The following AGBL5 variants were observed in gnomAD, a reference collection of about 807,000 sequenced individuals.
The protein encoded by AGBL5 is AGBL carboxypeptidase 5.
Under a neutral mutation model 88.0 loss-of-function variants are expected in AGBL5, and 51 were observed. That is an observed-to-expected ratio of 0.58 (90% CI 0.46 to 0.73). The LOEUF (loss-of-function observed/expected upper bound fraction) is 0.73. Among genes scored for constraint, AGBL5 ranks in the 30% least tolerant of loss-of-function variants. AGBL5 has a pLI of 0.00. For missense variants in AGBL5, 1,031 were observed against 1,162.2 expected (o/e 0.89, Z 1.64); for synonymous variants, 446 against 438.8 (o/e 1.02, Z -0.21).
In AGBL5 at chr2:27,070,501, T is replaced by G. The variant is rs1220573378; in HGVS notation, c.*238T>G. ...GGGACCACAAAAAAAAGTCTATATTTTTATATTGGGGGGAGGGAGTAGAAA... is the reference window on the plus strand; with the variant it reads ...GGGACCACAAAAAAAAGTCTATATTGTTATATTGGGGGGAGGGAGTAGAAA... On this transcript the variant is annotated 3_prime_UTR_variant, in exon 15 of 15. Coordinates refer to ENST00000360131, the MANE Select transcript of AGBL5 (RefSeq NM_021831.6). The G allele has an allele frequency of 6.0e-6, 3 of 496,828 alleles. No homozygotes were observed. Among genetic ancestry groups the G allele is most frequent in the Non-Finnish European group, 1.1e-5 (3 of 278,422 alleles). The allele number at this position is 496,828 out of a possible 1,614,324, so 30.8% of individuals were successfully genotyped here. A position where few individuals can be genotyped will look rare whatever the true frequency, so the allele number is the denominator to read the frequency against.
At chr2:27,051,230 T>C (rs1175427885), upstream of AGBL5, among the ~76,000 whole-genome samples, 2 of 152,170 alleles carry the variant, frequency 1.3e-5, no homozygotes, top group Non-Finnish European at 2.9e-5. Context: ...TTAGCTCAAA[T>C]GGTAGAGCGC....
chr2:27,060,176 A>C (rs1668645137), intron 11 of AGBL5, among the ~76,000 whole-genome samples: 1 of 152,198 alleles, frequency 6.6e-6, no homozygotes, highest in Non-Finnish European at 1.5e-5. Flanking sequence ...TGATATCAGA[A>C]GGATTCTAAC....
At chr2:27,052,484 T>C (rs1418490895) in intron 1 of AGBL5, 1 of 153,062 alleles carries the variant, frequency 6.5e-6, no homozygotes, top group Non-Finnish European at 1.5e-5. Context: ...TGCTCTGTGC[T>C]GGAGAGTGCA....
intron 8 of AGBL5, 105 bp downstream of exon 8, chr2:27,056,897 G>A: frequency 7.7e-7 from 1 of 1,306,018 alleles, no homozygotes; most frequent in Non-Finnish European, 1.0e-6. Context: ...TGAGGAGGCT[G>A]AGGCAGGAGA....
intron 7 of AGBL5, 29 bp from the exon 8 acceptor site, chr2:27,056,588 CTCTCCT>C: frequency 6.4e-7 from 1 of 1,563,886 alleles, no homozygotes; most frequent in East Asian, 2.3e-5. Context: ...TCCCTTCTGT[CTCTCCT>C]TCTGAGTTGA....
At chr2:27,065,453 T>TG (rs1472663430) in intron 11 of AGBL5, among the ~76,000 whole-genome samples, 5 of 152,192 alleles carry the variant, frequency 3.3e-5, no homozygotes, top group African/African-American at 1.2e-4. Context: ...ATCCAGCTCA[T>TG]GGTGTCTGCT....
At chr2:27,060,953 TAA>T (rs1334272753) in intron 11 of AGBL5, 1 of 152,234 alleles carries the variant, frequency 6.6e-6, no homozygotes, top group Non-Finnish European at 1.5e-5. Context: ...TGAGGCTATT[TAA>T]GAGTGGTTTC....
intron 11 of AGBL5, among the ~76,000 whole-genome samples, chr2:27,064,290 T>G (rs968159871): frequency 2.6e-5 from 4 of 151,574 alleles, no homozygotes; most frequent in Non-Finnish European, 4.4e-5. Context: ...AACATCTGGT[T>G]GTTTTTGACT....
intron 11 of AGBL5, among the ~76,000 whole-genome samples, chr2:27,060,485 C>T (rs1668661040): frequency 6.6e-6 from 1 of 152,216 alleles, no homozygotes; most frequent in Non-Finnish European, 1.5e-5. Context: ...ACTGTACTGG[C>T]CTCTGCACTA....
intron 8 of AGBL5, 195 bp from the exon 9 acceptor site, chr2:27,057,108 C>T (rs1668471787): frequency 3.3e-6 from 2 of 607,630 alleles, no homozygotes; most frequent in African/African-American, 1.9e-5. Flanking sequence ...TAGTCTAGGA[C>T]TCTACCTTGG....
chr2:27,055,530 G>A (rs370611426), intron 6 of AGBL5, 152 bp from the exon 7 acceptor site: 2 of 847,652 alleles, frequency 2.4e-6, no homozygotes, highest in African/African-American at 3.4e-5. Context: ...GCAGATCAAA[G>A]AGAGGCCCTG....
intron 1 of AGBL5, 97 bp downstream of exon 1, chr2:27,051,890 G>A (rs1364901087): frequency 1.1e-5 from 1 of 91,802 alleles, no homozygotes; most frequent in Non-Finnish European, 2.1e-5. Flanking sequence ...CGAGCCCCTC[G>A]AAGGCCACCC....
chr2:27,057,383 G>C lies in AGBL5; in HGVS notation c.1616G>C (p.Ser539Thr). 6.2e-7 allele frequency: 1 copy of C among 1,613,988 alleles called. No individual in the cohort carries two copies. The highest frequency in any genetic ancestry group is 1.1e-5 in the South Asian group (1 of 91,040). ...GCCTGCCATGACAATGGGCGTGCCA[G>C]CCCCCCTCCCCCGCCGGCTTTCCCC... The part of the protein sequence containing the change: ...PAACHDNGRA[S>T]PPPPPAFPSR... The change falls in exon 9 of 15, where the codon AGC becomes ACC. Residue 539 changes from serine (S) to threonine (T), a missense_variant. Transcript: ENST00000360131.
chr2:27,067,068 G>A (rs539130261), intron 11 of AGBL5, among the ~76,000 whole-genome samples: 1 of 151,972 alleles, frequency 6.6e-6, no homozygotes, highest in South Asian at 2.1e-4. Context: ...GGGCAACAAA[G>A]CGAGACTCTG....
chr2:27,050,526 C>T (rs144974506), upstream of AGBL5, among the ~76,000 whole-genome samples: 24 of 152,360 alleles, frequency 1.6e-4, no homozygotes, highest in African/African-American at 5.5e-4. Context: ...CAGGAGAAAC[C>T]ACCGCGGGGT....
chr2:27,054,949 C>T, intron 5 of AGBL5, 126 bp from the exon 6 acceptor site: 1 of 1,482,398 alleles, frequency 6.7e-7, no homozygotes, highest in Non-Finnish European at 9.2e-7. Context: ...GCCCCTGCTC[C>T]ACTTGCAGAT....
chr2:27,054,155 T>A, intron 4 of AGBL5, 96 bp downstream of exon 4: 1 of 1,411,112 alleles, frequency 7.1e-7, no homozygotes, highest in Non-Finnish European at 9.6e-7. Flanking sequence ...AACCATACTT[T>A]CATCCGTCTT....
intron 12 of AGBL5, 108 bp from the exon 13 acceptor site, chr2:27,068,524 T>C (rs886466941): frequency 1.1e-6 from 1 of 905,714 alleles, no homozygotes. Context: ...GATAAAGAAT[T>C]ATCCAACCCA....
At position 27,053,855 on chromosome 2, in the gene AGBL5, A is replaced by C; in HGVS notation, c.388-41A>C. On this transcript the variant is annotated intron_variant, in intron 3 of 14. Transcript: ENST00000360131. This position sits in a 1 kb window ranked among gnomAD's most constrained non-coding sequence, Gnocchi z 4.9. ...GTCCCAGTAGGAGCTCAGTTCTGAC[A>C]ATGGCATGTTGCCCCTCCCTCTTCC... is the stretch of plus-strand genomic sequence containing the variant. The C allele has an allele frequency of 1.3e-6, 2 of 1,584,600 alleles. No homozygotes were observed. Among genetic ancestry groups the C allele is most frequent in the Non-Finnish European group, 1.7e-6 (2 of 1,161,894 alleles).
Sources: gnomAD v4.1 joint callset for allele counts (sites outside exome capture counted in the v4.1 genomes callset) on GRCh38, gnomAD v4.1.1 for gene constraint, Gnocchi (gnomAD v3.1) non-coding constraint, MANE v1.5 for transcripts, NCBI Gene and HGNC (gene_info 2026-07-23, HGNC 2026-07-21) for gene names.